Variants in BACH1 observed in about 807,000 individuals in gnomAD.
BACH1 encodes BTB domain and CNC homolog 1, also known as transcription regulator protein BACH1.
A neutral mutation model predicts 52.9 loss-of-function variants in BACH1; 35 were observed. That is an observed-to-expected ratio of 0.66 (90% CI 0.51 to 0.88). The LOEUF is 0.88. Among genes scored for constraint, BACH1 ranks in the 40% least tolerant of loss-of-function variants. The probability of loss-of-function intolerance (pLI) is 0.00; values close to 1 mark genes in which losing one functional copy is unlikely to be tolerated. For missense variants in BACH1, 808 were observed against 872.6 expected, an observed-to-expected ratio of 0.93 and a Z score of 0.93; for synonymous variants, 321 against 319.6, an observed-to-expected ratio of 1.00 and a Z score of -0.05.
At position 29,326,145 on chromosome 21, in the gene BACH1, C is replaced by G; in HGVS notation, c.321C>G (p.Cys107Trp). 6.2e-7 allele frequency: 1 copy of G among 1,614,128 alleles called. No homozygotes were observed. Among genetic ancestry groups the G allele is most frequent in the South Asian group, 1.1e-5 (1 of 91,078 alleles). Reference sequence around the variant, plus strand: ...GTAAAGAGAATGTGGATGAAGTGTGCAAATGTGTGGAGTTTTTAAGTGTAC... The same window carrying G: ...GTAAAGAGAATGTGGATGAAGTGTGGAAATGTGTGGAGTTTTTAAGTGTAC... The part of the protein sequence containing the change: ...ILSKENVDEV[C>W]KCVEFLSVHN... Residue 107 changes from cysteine to tryptophan, a missense_variant, in exon 3 of 5, where the codon TGC becomes TGG. By Grantham distance (215) the Cys-to-Trp change is radical. Transcript: ENST00000286800.
chr21:29,334,094 T>G lies in BACH1; in HGVS notation c.1776+4401T>G, dbSNP rs371579447. Among the ~76,000 whole-genome samples the G allele has an allele frequency of 4.0e-5, 6 of 150,426 alleles. No homozygotes were observed. In the South Asian group the frequency reaches 1.3e-3, roughly 31 times the overall value. ...AACATGACTTTGGTTTTTTTTGTTA[T>G]TTTTTTTATTTTTTTTATTTTTTTT... On this transcript the variant is annotated intron_variant, in intron 4 of 4. Coordinates refer to ENST00000286800, the MANE Select transcript of BACH1 (RefSeq NM_001186.4).
chr21:29,300,875 A>C (rs996545387), intron 1 of BACH1: 1 of 152,200 alleles, frequency 6.6e-6, no homozygotes, highest in African/African-American at 2.4e-5. Flanking sequence ...CATTGGGTTA[A>C]GTCTCGAAAG....
At chr21:29,333,618 G>A (rs529542348) in intron 4 of BACH1, among the ~76,000 whole-genome samples, 1 of 152,242 alleles carries the variant, frequency 6.6e-6, no homozygotes, top group South Asian at 2.1e-4. Flanking sequence ...AGTTAGTTTG[G>A]TCTTAGGCTA....
In BACH1 at chr21:29,321,488, G is replaced by A; in HGVS notation, c.208G>A (p.Glu70Lys). ...HSRIVGQADG[E>K]LNITLPEEVT... ...AAGAATCGTAGGCCAGGCTGATGGA[G>A]AGCTGAACATTACTCTTCCAGAAGA... Residue 70 changes from glutamate to lysine, a missense_variant, in exon 2 of 5, where the codon GAG becomes AAG. Coordinates refer to ENST00000286800, the MANE Select transcript of BACH1 (RefSeq NM_001186.4). 2.5e-6 allele frequency: 4 copies of A among 1,614,112 alleles called. No individual in the cohort carries two copies. The highest frequency in any genetic ancestry group is 1.7e-5 in the Admixed American group (1 of 60,024).
intron 4 of BACH1, among the ~76,000 whole-genome samples, chr21:29,332,726 T>C (rs2088999127): frequency 6.6e-6 from 1 of 152,202 alleles, no homozygotes; most frequent in Non-Finnish European, 1.5e-5. Context: ...AATTTCACTC[T>C]CTCCAGGGAC....
chr21:29,326,982 G>A lies in BACH1; in HGVS notation c.1158G>A (p.Arg386=). 2 of 1,614,202 alleles carry A rather than the reference G, an allele frequency of 1.2e-6. No individual in the cohort carries two copies. Among genetic ancestry groups the A allele is most frequent in the South Asian group, 1.1e-5 (1 of 91,086 alleles). The part of the protein sequence containing the change: ...REDSSVASSD[R]SSVEREVAEH... ...ATAGTAGTGTTGCATCTAGTGATAG[G>A]AGTAGTGTGGAGCGAGAAGTGGCAG... The change falls in exon 3 of 5, where the codon AGG becomes AGA. Residue 386 remains arginine (R), a synonymous_variant. Coordinates refer to ENST00000286800, the MANE Select transcript of BACH1 (RefSeq NM_001186.4).
At chr21:29,309,400 T>C (rs2088695149) in intron 1 of BACH1, among the ~76,000 whole-genome samples, 1 of 152,220 alleles carries the variant, frequency 6.6e-6, no homozygotes. Flanking sequence ...CTTGAACTCC[T>C]TGTTCTTCCA....
At chr21:29,309,110 T>C (rs1449447081) in intron 1 of BACH1, among the ~76,000 whole-genome samples, 2 of 152,034 alleles carry the variant, frequency 1.3e-5, no homozygotes, top group African/African-American at 4.8e-5. Flanking sequence ...ATATGAAAAT[T>C]ATCTGGGCGT....
At chr21:29,354,752 G>A (rs1213790326) in intron 2 of BACH1, among the ~76,000 whole-genome samples, 3 of 152,216 alleles carry the variant, frequency 2.0e-5, no homozygotes, top group African/African-American at 7.2e-5. Context: ...CGCCCATGTG[G>A]TTGTTGACAT....
At chr21:29,307,213 A>G (rs909238083) in intron 1 of BACH1, among the ~76,000 whole-genome samples, 2 of 152,128 alleles carry the variant, frequency 1.3e-5, no homozygotes, top group African/African-American at 4.8e-5. Flanking sequence ...TTTTCTACAC[A>G]CTCATTCCCC....
intron 3 of BACH1, 108 bp downstream of exon 3, chr21:29,327,501 G>T (rs1320277005): frequency 9.8e-6 from 14 of 1,425,628 alleles, no homozygotes; most frequent in Non-Finnish European, 1.3e-5. Flanking sequence ...TTCAGGGAGT[G>T]GGGAGGAAAC....
intron 4 of BACH1, among the ~76,000 whole-genome samples, chr21:29,342,103 T>A (rs945361581): frequency 6.6e-6 from 1 of 152,176 alleles, no homozygotes; most frequent in African/African-American, 2.4e-5. Flanking sequence ...TACCTAGAAA[T>A]GTAAAGATAG....
chr21:29,355,568 C>T (rs1194236149), intron 2 of BACH1, among the ~76,000 whole-genome samples: 1 of 152,168 alleles, frequency 6.6e-6, no homozygotes, highest in African/African-American at 2.4e-5. Context: ...CCTGCAGTTG[C>T]AGTGTCTTCC....
intron 4 of BACH1, among the ~76,000 whole-genome samples, chr21:29,334,115 T>C (rs974160544): frequency 2.0e-5 from 3 of 151,830 alleles, no homozygotes; most frequent in African/African-American, 7.3e-5. Context: ...TTTTTTATTT[T>C]TTTTTTTGAG....
chr21:29,325,931 TTAAAG>T, intron 2 of BACH1, 123 bp from the exon 3 acceptor site: 1 of 1,006,140 alleles, frequency 9.9e-7, no homozygotes, highest in Non-Finnish European at 1.4e-6. Flanking sequence ...TTTCTTCAAA[TTAAAG>T]TACATATTTT....
Position 29,330,464 on chromosome 21 carries a change from C to T in BACH1, c.1776+771C>T, listed in dbSNP as rs200727400. On this transcript the variant is annotated intron_variant, in intron 4 of 4. Transcript: ENST00000286800. ...CAAAGGGATTTCAGGCATGAGCCAC[C>T]GTGCCTGGCCTGAATCTTATTTTCT... is the stretch of plus-strand genomic sequence containing the variant. Among the ~76,000 whole-genome samples the T allele has an allele frequency of 3.9e-4, 60 of 152,240 alleles. No individual in the cohort carries two copies. The East Asian group carries it at 4.6e-3, about 12-fold the overall frequency.
chr21:29,331,342 T>C (rs2088979802), intron 4 of BACH1, among the ~76,000 whole-genome samples: 1 of 152,212 alleles, frequency 6.6e-6, no homozygotes, highest in Non-Finnish European at 1.5e-5. Context: ...TCATAGAGTT[T>C]ATCCAGTTTT....
At chr21:29,304,498 A>C (rs1165541582) in intron 1 of BACH1, among the ~76,000 whole-genome samples, 2 of 152,204 alleles carry the variant, frequency 1.3e-5, no homozygotes, top group African/African-American at 2.4e-5. Context: ...AGATCAGATC[A>C]GTCAGTGGAC....
intron 1 of BACH1, among the ~76,000 whole-genome samples, chr21:29,305,975 A>G (rs898786525): frequency 1.3e-5 from 2 of 152,218 alleles, no homozygotes; most frequent in African/African-American, 4.8e-5. Context: ...TAGTAGCAAC[A>G]TGTAAAATGT....
Sources: gnomAD v4.1 joint callset for allele counts (sites outside exome capture counted in the v4.1 genomes callset) on GRCh38, gnomAD v4.1.1 for gene constraint, MANE v1.5 for transcripts, NCBI Gene and HGNC (gene_info 2026-07-23, HGNC 2026-07-21) for gene names.